The following ADAM7 variants were observed in gnomAD, a reference collection of about 807,000 sequenced individuals.
ADAM7 encodes the protein ADAM metallopeptidase domain 7.
In ADAM7, 97 loss-of-function variants were observed where a neutral mutation model predicts 102.9. That is an observed-to-expected ratio of 0.94 (90% CI 0.80 to 1.12). The LOEUF (loss-of-function observed/expected upper bound fraction) is 1.12, where lower values mean the gene tolerates loss of function less well. Ranked by LOEUF, ADAM7 falls within the 50% of genes most tolerant of loss-of-function variation. ADAM7 has a pLI of 0.00. For missense variants in ADAM7, 991 were observed against 908.7 expected (o/e 1.09, Z -1.16); for synonymous variants, 334 against 304.4 (o/e 1.10, Z -1.01).
intron 4 of ADAM7, 44 bp downstream of exon 4, chr8:24,464,004 T>A: frequency 6.5e-7 from 1 of 1,540,370 alleles, no homozygotes; most frequent in Non-Finnish European, 9.0e-7. Flanking sequence ...AAAAGCAGTA[T>A]TTCCTGATGT....
rs142048335 is a variant in ADAM7 at position 24,441,120 on chromosome 8, G to C, written c.12G>C (p.Gly4=). ...CAGAATCACTCAGAATGCTTCCCGG[G>C]TGTATATTCTTGATGATTTTACTCA... MLP[G]CIFLMILLIP... Residue 4 remains glycine, a synonymous_variant, in exon 1 of 22, where the codon GGG becomes GGC. Transcript: ENST00000175238. 215 of 1,613,766 alleles carry C rather than the reference G, an allele frequency of 1.3e-4. No individual in the cohort carries two copies. The African/African-American group carries it at 2.6e-3, about 20-fold the overall frequency.
chr8:24,494,471 T>TTTAAGAGTGCCAC (rs1165507873), intron 16 of ADAM7, among the ~76,000 whole-genome samples: 3 of 152,200 alleles, frequency 2.0e-5, no homozygotes, highest in Non-Finnish European at 4.4e-5. Context: ...AAGTGCTTCC[T>TTTAAGAGTGCCAC]TCTTTAAGAG....
At chr8:24,506,465 T>C (rs973642171) in intron 20 of ADAM7, among the ~76,000 whole-genome samples, 4 of 152,128 alleles carry the variant, frequency 2.6e-5, no homozygotes, top group Non-Finnish European at 5.9e-5. Context: ...AATTTTGATA[T>C]TTTAAACTAA....
intron 3 of ADAM7, among the ~76,000 whole-genome samples, chr8:24,461,271 CTGA>C (rs1487316617): frequency 6.6e-6 from 1 of 152,042 alleles, no homozygotes; most frequent in African/African-American, 2.4e-5. Context: ...GGATTACAGG[CTGA>C]GCCACTACGC....
chr8:24,484,074 G>A (rs1820051977), intron 9 of ADAM7, among the ~76,000 whole-genome samples: 1 of 152,104 alleles, frequency 6.6e-6, no homozygotes, highest in Admixed American at 6.6e-5. Context: ...TTGATTTCAT[G>A]CAACCATGAG....
intron 15 of ADAM7, 52 bp downstream of exon 15, chr8:24,492,649 A>G (rs1453722113): frequency 7.5e-7 from 1 of 1,338,294 alleles, no homozygotes; most frequent in Admixed American, 1.7e-5. Context: ...CACTTTGTCA[A>G]AATCAGAATG....
intron 7 of ADAM7, 67 bp downstream of exon 7, chr8:24,468,887 A>C: frequency 7.0e-7 from 1 of 1,420,842 alleles, no homozygotes; most frequent in East Asian, 2.3e-5. Context: ...TCATTCTAGC[A>C]TAGAGAGAAA....
At chr8:24,453,595 A>T (rs1175855219) in intron 3 of ADAM7, among the ~76,000 whole-genome samples, 2 of 152,074 alleles carry the variant, frequency 1.3e-5, no homozygotes, top group South Asian at 2.1e-4. Context: ...CTTTGGTTTG[A>T]ATTTCCTCCT....
At chr8:24,492,625 T>A in intron 15 of ADAM7, 28 bp downstream of exon 15, 1 of 1,556,496 alleles carries the variant, frequency 6.4e-7, no homozygotes, top group South Asian at 1.1e-5. Context: ...AAAAAGTAAT[T>A]TGCCTTCTTA....
intron 3 of ADAM7, among the ~76,000 whole-genome samples, chr8:24,458,439 T>C (rs908687906): frequency 2.0e-5 from 3 of 152,290 alleles, no homozygotes; most frequent in Admixed American, 6.5e-5. Context: ...GAATTGTCTT[T>C]ATTATTTCAT....
At chr8:24,494,110 TTC>T (rs1198618806) in intron 16 of ADAM7, among the ~76,000 whole-genome samples, 1 of 152,102 alleles carries the variant, frequency 6.6e-6, no homozygotes, top group Non-Finnish European at 1.5e-5. Context: ...ATGTCTTCCC[TTC>T]TCTCTCTACA....
At chr8:24,508,475 G>A in intron 21 of ADAM7, 71 bp from the exon 22 acceptor site, 1 of 1,467,230 alleles carries the variant, frequency 6.8e-7, no homozygotes, top group Non-Finnish European at 9.5e-7. Context: ...AGATATAAAT[G>A]AGTAATGGAA....
intron 3 of ADAM7, among the ~76,000 whole-genome samples, chr8:24,447,853 G>T (rs1248775738): frequency 2.0e-5 from 3 of 151,760 alleles, no homozygotes; most frequent in Non-Finnish European, 4.4e-5. Flanking sequence ...AAAGGATGAG[G>T]AGCTGTCAAA....
chr8:24,444,889 T>C (rs529164595), intron 2 of ADAM7, among the ~76,000 whole-genome samples: 1 of 152,052 alleles, frequency 6.6e-6, no homozygotes, highest in African/African-American at 2.4e-5. Flanking sequence ...AAATAGACTA[T>C]AGTAATGTCA....
chr8:24,446,496 T>C (rs1471804011), intron 2 of ADAM7, among the ~76,000 whole-genome samples: 1 of 152,142 alleles, frequency 6.6e-6, no homozygotes, highest in Non-Finnish European at 1.5e-5. Context: ...ACATTTTTTT[T>C]CATGTCATTG....
chr8:24,508,528 C>T lies in ADAM7; in HGVS notation c.*-18C>T, dbSNP rs902113487. The T allele has an allele frequency of 6.2e-7, 1 of 1,611,942 alleles. No homozygotes were observed. The highest frequency in any genetic ancestry group is 1.3e-5 in the African/African-American group (1 of 74,820). On this transcript the variant is annotated intron_variant, in intron 21 of 21. Coordinates refer to ENST00000175238, the MANE Select transcript of ADAM7 (RefSeq NM_003817.4). ...TTCATAGGAAACAATCTATTTTTAA[C>T]CATCTGTTTCTATTTAGAGCTTGAA...
chr8:24,494,019 C>T (rs1820470564), intron 16 of ADAM7, among the ~76,000 whole-genome samples: 2 of 152,076 alleles, frequency 1.3e-5, no homozygotes, highest in African/African-American at 4.8e-5. Context: ...CAATAGCTGG[C>T]TCATAAAGAA....
intron 4 of ADAM7, among the ~76,000 whole-genome samples, chr8:24,464,548 T>G (rs774567612): frequency 6.6e-6 from 1 of 152,238 alleles, no homozygotes; most frequent in African/African-American, 2.4e-5. Flanking sequence ...ACATTACTTT[T>G]ACCAAACCTA....
intron 6 of ADAM7, 94 bp downstream of exon 6, chr8:24,467,082 A>G (rs746544036): frequency 2.8e-5 from 34 of 1,219,070 alleles, no homozygotes; most frequent in East Asian, 7.1e-5. Flanking sequence ...TTACTGAAAT[A>G]TATGTGCTAC....
Sources: allele counts gnomAD v4.1 joint callset (sites outside exome capture counted in the v4.1 genomes callset), GRCh38; gene constraint gnomAD v4.1.1; transcripts MANE v1.5; gene names NCBI Gene and HGNC (gene_info 2026-07-23, HGNC 2026-07-21).